The following MAPK6 variants were observed in gnomAD, a reference collection of about 807,000 sequenced individuals.
The protein encoded by MAPK6 is ERK-3.
A neutral mutation model predicts 59.3 loss-of-function variants in MAPK6; 19 were observed. The observed-to-expected ratio is 0.32, with a 90% confidence interval of 0.22 to 0.47. MAPK6 has a LOEUF of 0.47. Ranked by LOEUF, MAPK6 falls within the 20% of genes least tolerant of loss-of-function variation. The probability of loss-of-function intolerance (pLI) is 1.00; values close to 1 mark genes in which losing one functional copy is unlikely to be tolerated. For missense variants in MAPK6, 724 were observed against 847.9 expected, an observed-to-expected ratio of 0.85 and a Z score of 1.81; for synonymous variants, 316 against 290.3, an observed-to-expected ratio of 1.09 and a Z score of -0.90.
At position 52,062,882 on chromosome 15, in the gene MAPK6, T is replaced by C. The variant is rs139243367; in HGVS notation, c.1068-1020T>C. Among the ~76,000 whole-genome samples the C allele has an allele frequency of 3.1e-3, 463 of 149,560 alleles. 4 individuals carry two copies. The highest frequency in any genetic ancestry group is 0.011 in the African/African-American group (432 of 39,192). On this transcript the variant is annotated intron_variant, in intron 5 of 5. Transcript: ENST00000261845. ...TGCTTCAGAGTAGGATGGTAGCTTA[T>C]AGAGTCATCAGGTGATTTTGATGTA... is the stretch of plus-strand genomic sequence containing the variant.
intron 1 of MAPK6, among the ~76,000 whole-genome samples, chr15:52,023,668 G>A (rs1336601952): frequency 6.6e-6 from 1 of 152,228 alleles, no homozygotes; most frequent in Non-Finnish European, 1.5e-5. Flanking sequence ...CTGGAGCGCA[G>A]TCGCGCCATC....
At chr15:52,041,785 A>ATCTT (rs1296454327) in intron 1 of MAPK6, among the ~76,000 whole-genome samples, 1 of 152,208 alleles carries the variant, frequency 6.6e-6, no homozygotes, top group Non-Finnish European at 1.5e-5. Context: ...TATGGCTACC[A>ATCTT]GGCACACACA....
At chr15:52,050,528 G>A (rs1181500949) in intron 3 of MAPK6, among the ~76,000 whole-genome samples, 1 of 152,132 alleles carries the variant, frequency 6.6e-6, no homozygotes, top group Non-Finnish European at 1.5e-5. Context: ...GTAATTTTTT[G>A]TTAAGTTTGG....
intron 1 of MAPK6, among the ~76,000 whole-genome samples, chr15:52,023,106 CA>C (rs60315520): frequency 1.2e-4 from 9 of 73,660 alleles, no homozygotes; most frequent in East Asian, 4.4e-4. Context: ...GACTCCGTCT[CA>C]AAAAAAAAAA....
intron 3 of MAPK6, among the ~76,000 whole-genome samples, chr15:52,007,845 C>T (rs958533219): frequency 1.3e-5 from 2 of 150,028 alleles, no homozygotes; most frequent in African/African-American, 2.5e-5. Flanking sequence ...GATATTTCAC[C>T]TCTTTTTTTT....
chr15:51,992,811 C>A (rs1448784765), intron 2 of MAPK6, among the ~76,000 whole-genome samples: 1 of 152,118 alleles, frequency 6.6e-6, no homozygotes, highest in African/African-American at 2.4e-5. Flanking sequence ...GATGGATGAA[C>A]AGTCGGATGG....
At chr15:52,059,291 A>G (rs1275025492) in intron 4 of MAPK6, among the ~76,000 whole-genome samples, 1 of 152,148 alleles carries the variant, frequency 6.6e-6, no homozygotes, top group Non-Finnish European at 1.5e-5. Flanking sequence ...CTGTGGGAAC[A>G]CTTTATTTTT....
At chr15:52,050,275 T>C in intron 3 of MAPK6, 138 bp downstream of exon 3, 1 of 772,288 alleles carries the variant, frequency 1.3e-6, no homozygotes, top group Non-Finnish European at 2.0e-6. Context: ...TTGGCGTTTT[T>C]AATAAAAAAA....
At chr15:52,062,240 T>A (rs1379555734) in intron 5 of MAPK6, among the ~76,000 whole-genome samples, 2 of 151,890 alleles carry the variant, frequency 1.3e-5, no homozygotes, top group African/African-American at 2.4e-5. Context: ...TTGGCCAGGC[T>A]GGTCTCGAAC....
At chr15:51,987,570 G>A (rs900342290) in intron 2 of MAPK6, among the ~76,000 whole-genome samples, 1 of 151,982 alleles carries the variant, frequency 6.6e-6, no homozygotes, top group African/African-American at 2.4e-5. Flanking sequence ...AGTGAGCTGA[G>A]ACTGCACCAC....
chr15:51,993,802 C>CTT (rs1169370572), intron 2 of MAPK6, among the ~76,000 whole-genome samples: 54 of 140,480 alleles, frequency 3.8e-4, no homozygotes, highest in East Asian at 2.7e-3. Flanking sequence ...TTTTTTCTTT[C>CTT]TTTTTTTTTT....
chr15:52,065,985 AAAC>A lies in MAPK6; in HGVS notation c.*988_*990del, dbSNP rs564180814. 486 of 152,758 alleles carry A rather than the reference AAAC, an allele frequency of 3.2e-3. 4 individuals are homozygous for A. The highest frequency in any genetic ancestry group is 4.8e-3 in the Non-Finnish European group (325 of 68,012). The allele number at this position is 152,758 out of a possible 1,614,324, so 9.5% of individuals were successfully genotyped here. A position where few individuals can be genotyped will look rare whatever the true frequency, so the allele number is the denominator to read the frequency against. The stretch of plus-strand genomic sequence containing the variant: ...TCTTAATTGTGTTTATTTTTTAAAA[AAAC>A]AAATGTTAGACTTGTGTGCATGGAA... On this transcript the variant is annotated 3_prime_UTR_variant, in exon 6 of 6. Coordinates refer to ENST00000261845, the MANE Select transcript of MAPK6 (RefSeq NM_002748.4).
intron 1 of MAPK6, among the ~76,000 whole-genome samples, chr15:52,019,717 G>A (rs971611767): frequency 2.0e-5 from 3 of 150,622 alleles, no homozygotes; most frequent in African/African-American, 4.9e-5. Context: ...GGCCGCGCCC[G>A]CTCCCTGGCC....
intron 3 of MAPK6, among the ~76,000 whole-genome samples, chr15:52,053,003 A>C (rs964271921): frequency 2.6e-5 from 4 of 151,346 alleles, no homozygotes; most frequent in Non-Finnish European, 5.9e-5. Flanking sequence ...CCACCAATGC[A>C]TGAGAGTTAA....
chr15:51,998,687 A>ATTTTTTTTTTTTTTTTTTTTTTTCTTTT (rs964775744), intron 2 of MAPK6, among the ~76,000 whole-genome samples: 1 of 38,472 alleles, frequency 2.6e-5, no homozygotes, highest in Non-Finnish European at 4.6e-5. Flanking sequence ...TGCCTGGTTA[A>ATTTTTTTTTTTTTTTTTTTTTTTCTTTT]TTTTTTTTTT....
intron 1 of MAPK6, 56 bp downstream of exon 1, chr15:52,019,432 G>C (rs2030402023): frequency 6.9e-6 from 1 of 145,438 alleles, no homozygotes; most frequent in Non-Finnish European, 1.5e-5. Flanking sequence ...TCGGGAGGGC[G>C]CCGCGGCGGG....
rs571830022 is a variant in MAPK6 at position 52,053,296 on chromosome 15, G to A, written c.700+3159G>A. Among the ~76,000 whole-genome samples the A allele has an allele frequency of 1.1e-4, 16 of 152,046 alleles. No individual in the cohort carries two copies. In the East Asian group the frequency reaches 2.5e-3, roughly 24 times the overall value. ...TCACCATGTTGGCCAGGCTGGTCTCGAACTCCTAACCTGAAGTGATCTGCC... is the reference window on the plus strand; with the variant it reads ...TCACCATGTTGGCCAGGCTGGTCTCAAACTCCTAACCTGAAGTGATCTGCC... On this transcript the variant is annotated intron_variant, in intron 3 of 5. Coordinates refer to ENST00000261845, the MANE Select transcript of MAPK6 (RefSeq NM_002748.4).
At chr15:52,024,689 A>T (rs540114032) in intron 1 of MAPK6, 1 of 151,622 alleles carries the variant, frequency 6.6e-6, no homozygotes, top group African/African-American at 2.4e-5. Flanking sequence ...AAGTGCTGGG[A>T]TTACAGGTAT....
chr15:51,972,578 C>G (rs1306272064), intron 1 of MAPK6, among the ~76,000 whole-genome samples: 1 of 149,942 alleles, frequency 6.7e-6, no homozygotes, highest in Non-Finnish European at 1.5e-5. Context: ...AATCCCAGCA[C>G]TTTGGGAGGC....
Sources: allele counts gnomAD v4.1 joint callset (sites outside exome capture counted in the v4.1 genomes callset), GRCh38; gene constraint gnomAD v4.1.1; transcripts MANE v1.5; gene names NCBI Gene and HGNC (gene_info 2026-07-23, HGNC 2026-07-21).